Variants in RTN1 observed in about 807,000 individuals in gnomAD.
RTN1 encodes the protein reticulon-1.
A neutral mutation model predicts 65.5 loss-of-function variants in RTN1; 25 were observed. That is an observed-to-expected ratio of 0.38 (90% CI 0.28 to 0.53). The LOEUF is 0.53. RTN1 is among the 20% of genes least tolerant of loss of function. The probability of loss-of-function intolerance (pLI) is 0.79; values close to 1 mark genes in which losing one functional copy is unlikely to be tolerated. For synonymous variants in RTN1, 471 were observed against 447.6 expected (o/e 1.05, Z -0.66); for missense variants, 983 against 1,025.4 (o/e 0.96, Z 0.57).
rs113133810 is a variant in RTN1 at position 59,852,809 on chromosome 14, C to A, written c.241+17581G>T. Among the ~76,000 whole-genome samples the A allele has an allele frequency of 2.3e-3, 348 of 152,292 alleles. 3 individuals are homozygous for A. Among genetic ancestry groups the A allele is most frequent in the Middle Eastern group, 0.017 (5 of 294 alleles). On this transcript the variant is annotated intron_variant, in intron 1 of 8. Transcript: ENST00000267484. ...GAGTATATTCTTGAAATTAATACAA[C>A]AAAATTTATGGAATGCAGATCTTTT...
intron 3 of RTN1, among the ~76,000 whole-genome samples, chr14:59,708,460 G>A (rs140685986): frequency 2.0e-5 from 3 of 152,204 alleles, no homozygotes; most frequent in Non-Finnish European, 4.4e-5. Context: ...GTTAGACAGC[G>A]TGGCTCATCA....
At chr14:59,722,455 G>C (rs1441104580) in intron 3 of RTN1, among the ~76,000 whole-genome samples, 1 of 152,116 alleles carries the variant, frequency 6.6e-6, no homozygotes, top group African/African-American at 2.4e-5. Context: ...ACAACACAGA[G>C]GAACTGGAAG....
chr14:59,857,637 G>T (rs1242438916), intron 1 of RTN1, among the ~76,000 whole-genome samples: 1 of 152,132 alleles, frequency 6.6e-6, no homozygotes, highest in Non-Finnish European at 1.5e-5. Flanking sequence ...ACTTATTAGA[G>T]GCCCTGAAAT....
intron 3 of RTN1, among the ~76,000 whole-genome samples, chr14:59,672,490 C>G (rs368639906): frequency 6.6e-6 from 1 of 151,988 alleles, no homozygotes; most frequent in African/African-American, 2.4e-5. Flanking sequence ...CATCATATGG[C>G]AAATTTCAAA....
At chr14:59,664,022 G>A (rs917469129) in intron 3 of RTN1, among the ~76,000 whole-genome samples, 7 of 152,098 alleles carry the variant, frequency 4.6e-5, no homozygotes, top group African/African-American at 1.4e-4. Flanking sequence ...GCACACGTAT[G>A]TTTATTGCAG....
chr14:59,723,512 G>C (rs1450201295), intron 3 of RTN1, among the ~76,000 whole-genome samples: 1 of 152,060 alleles, frequency 6.6e-6, no homozygotes, highest in East Asian at 1.9e-4. Flanking sequence ...AGCTACTCGG[G>C]AGGCTGAGAC....
rs879178613 is a variant in RTN1 at position 59,774,855 on chromosome 14, C to A, written c.242-28374G>T. On this transcript the variant is annotated intron_variant, in intron 1 of 8. Transcript: ENST00000267484. This position sits in a 1 kb window ranked among gnomAD's most constrained non-coding sequence, Gnocchi z 5.1. ...AACAATTTCTTGATGATTAAAGTAC[C>A]GTCTTTTTCTCATTAAGTGAAGAGG... Among the ~76,000 whole-genome samples the A allele has an allele frequency of 3.3e-5, 5 of 152,070 alleles. No homozygotes were observed. The highest frequency in any genetic ancestry group is 1.2e-4 in the African/African-American group (5 of 41,408).
intron 3 of RTN1, among the ~76,000 whole-genome samples, chr14:59,613,833 T>G: frequency 6.6e-6 from 1 of 152,032 alleles, no homozygotes; most frequent in African/African-American, 2.4e-5. Flanking sequence ...GATTTCCTTA[T>G]AAAACCCCAG....
At chr14:59,632,940 C>A (rs1182613060) in intron 3 of RTN1, among the ~76,000 whole-genome samples, 2 of 150,484 alleles carry the variant, frequency 1.3e-5, no homozygotes, top group Non-Finnish European at 3.0e-5. Flanking sequence ...AAAAAAAATA[C>A]AAAAAAAAAA....
intron 1 of RTN1, among the ~76,000 whole-genome samples, chr14:59,759,751 A>G (rs1428927098): frequency 6.6e-6 from 1 of 152,160 alleles, no homozygotes. Flanking sequence ...TTGCATGGAA[A>G]AAGATGTATG....
intron 1 of RTN1, among the ~76,000 whole-genome samples, chr14:59,787,320 T>C (rs1886267545): frequency 6.6e-6 from 1 of 152,116 alleles, no homozygotes; most frequent in Non-Finnish European, 1.5e-5. Context: ...TTACTAGATG[T>C]AGAGTCCTGG....
chr14:59,677,718 G>A (rs151292472), intron 3 of RTN1, among the ~76,000 whole-genome samples: 4 of 152,250 alleles, frequency 2.6e-5, no homozygotes, highest in East Asian at 1.9e-4. Flanking sequence ...ACCATTGTAC[G>A]TTGGCTTTCT....
intron 1 of RTN1, among the ~76,000 whole-genome samples, chr14:59,765,498 T>C (rs1463895426): frequency 2.6e-5 from 4 of 152,238 alleles, no homozygotes; most frequent in East Asian, 1.9e-4. Context: ...AAACTTTGGA[T>C]ACTAGCTTAC....
chr14:59,693,115 C>T (rs1333357980), intron 3 of RTN1, among the ~76,000 whole-genome samples: 4 of 152,130 alleles, frequency 2.6e-5, no homozygotes, highest in East Asian at 1.9e-4. Flanking sequence ...TGGCTTTCTC[C>T]GTCTGCTCTT....
intron 1 of RTN1, among the ~76,000 whole-genome samples, chr14:59,864,906 A>ATT (rs5809053): frequency 3.4e-4 from 51 of 152,050 alleles, no homozygotes; most frequent in African/African-American, 1.1e-3. Context: ...TAAAATCAAG[A>ATT]TTTTTTTCAT....
chr14:59,629,188 G>C (rs932367841), intron 3 of RTN1, among the ~76,000 whole-genome samples: 1 of 152,088 alleles, frequency 6.6e-6, no homozygotes, highest in Non-Finnish European at 1.5e-5. Flanking sequence ...CAGCTCCATC[G>C]ATTTACTTTT....
At chr14:59,777,797 A>G (rs1297038066) in intron 1 of RTN1, among the ~76,000 whole-genome samples, 1 of 117,378 alleles carries the variant, frequency 8.5e-6, no homozygotes, top group Non-Finnish European at 1.7e-5. Flanking sequence ...AAGTCAAGAC[A>G]AAACAACAAC....
intron 1 of RTN1, among the ~76,000 whole-genome samples, chr14:59,822,497 A>G (rs1029881824): frequency 6.6e-6 from 1 of 152,136 alleles, no homozygotes; most frequent in African/African-American, 2.4e-5. Flanking sequence ...GGATTTTCAC[A>G]TATCAGTTTC....
At chr14:59,608,456 T>C (rs111864306) in intron 3 of RTN1, among the ~76,000 whole-genome samples, 9,180 of 152,260 alleles carry the variant, frequency 0.06, 355 homozygotes, top group Non-Finnish European at 0.087. Context: ...CATGGGTGTG[T>C]AATTAGCATG....
Sources: gnomAD v4.1 joint callset for allele counts (sites outside exome capture counted in the v4.1 genomes callset) on GRCh38, gnomAD v4.1.1 for gene constraint, Gnocchi (gnomAD v3.1) non-coding constraint, MANE v1.5 for transcripts, NCBI Gene and HGNC (gene_info 2026-07-23, HGNC 2026-07-21) for gene names.